Variants in ATXN1 observed in about 807,000 individuals in gnomAD.
ATXN1 encodes the protein ataxin 1.
ATXN1 carries 8 observed loss-of-function variants against 56.4 expected under a neutral mutation model. The ratio of observed to expected loss-of-function variants is 0.14; its 90% CI spans 0.08 to 0.26. The LOEUF is 0.26. Ranked by LOEUF, ATXN1 falls within the 10% of genes least tolerant of loss-of-function variation. The pLI, the probability that ATXN1 is intolerant of heterozygous loss-of-function variation, is 1.00. For synonymous variants in ATXN1, 514 were observed against 494.6 expected, an observed-to-expected ratio of 1.04 and a Z score of -0.52; for missense variants, 987 against 1,106.5, an observed-to-expected ratio of 0.89 and a Z score of 1.53.
chr6:16,614,874 G>A (rs1488435867), intron 3 of ATXN1: 1 of 151,488 alleles, frequency 6.6e-6, no homozygotes, highest in South Asian at 2.1e-4. Flanking sequence ...AATGAGCCAA[G>A]ATCGTGTGCC....
At chr6:16,495,299 G>C (rs1206227151) in intron 5 of ATXN1, among the ~76,000 whole-genome samples, 2 of 152,130 alleles carry the variant, frequency 1.3e-5, no homozygotes, top group Non-Finnish European at 2.9e-5. Flanking sequence ...AATATTGAGA[G>C]TTATATGATA....
At chr6:16,663,075 C>A (rs530521043) in intron 2 of ATXN1, among the ~76,000 whole-genome samples, 3 of 149,184 alleles carry the variant, frequency 2.0e-5, no homozygotes, top group Non-Finnish European at 4.4e-5. Context: ...CGGGTTCAAG[C>A]GATTCTCCTG....
chr6:16,687,011 C>T (rs1043707889), intron 2 of ATXN1, among the ~76,000 whole-genome samples: 2 of 152,112 alleles, frequency 1.3e-5, no homozygotes, highest in African/African-American at 4.8e-5. Context: ...TTAATGGGAA[C>T]AATCAGAGTG....
At chr6:16,741,087 A>G (rs1018029274) in intron 2 of ATXN1, among the ~76,000 whole-genome samples, 2 of 152,238 alleles carry the variant, frequency 1.3e-5, no homozygotes, top group African/African-American at 4.8e-5. Context: ...TCAGGTTTAC[A>G]GCACAGGCTA....
At chr6:16,458,318 T>C (rs1329156818) in intron 6 of ATXN1, among the ~76,000 whole-genome samples, 2 of 152,174 alleles carry the variant, frequency 1.3e-5, no homozygotes, top group African/African-American at 2.4e-5. Flanking sequence ...CATGAATTAT[T>C]CAATGATGTC....
intron 6 of ATXN1, among the ~76,000 whole-genome samples, chr6:16,347,469 G>C (rs1761442195): frequency 1.3e-5 from 2 of 151,994 alleles, no homozygotes; most frequent in Non-Finnish European, 2.9e-5. Context: ...TACTCTGGTG[G>C]GGACTTGGAG....
rs1183674493 is a variant in ATXN1 at position 16,326,255 on chromosome 6, T to C, written c.1917+139A>G. The C allele has an allele frequency of 7.0e-7, 1 of 1,432,962 alleles. No individual in the cohort carries two copies. The highest frequency in any genetic ancestry group is 1.5e-5 in the South Asian group (1 of 66,826). 88.8% of individuals were successfully genotyped at this position (1,432,962 alleles called of 1,614,324 possible). The stretch of plus-strand genomic sequence containing the variant: ...GGCTTATTTTTTCTAGAGAACGCAG[T>C]TGGGAAAGGCCGAGTCTAAGGTCTA... On this transcript the variant is annotated intron_variant, in intron 7 of 7. Coordinates refer to ENST00000436367, the MANE Select transcript of ATXN1 (RefSeq NM_001128164.2). The surrounding 1 kb of genome is among the most constrained non-coding windows in gnomAD (Gnocchi z 6.6).
At chr6:16,689,634 A>G (rs1166090547) in intron 2 of ATXN1, among the ~76,000 whole-genome samples, 1 of 151,410 alleles carries the variant, frequency 6.6e-6, no homozygotes, top group South Asian at 2.1e-4. Context: ...TTAATTGACA[A>G]ATAATAATTG....
intron 2 of ATXN1, among the ~76,000 whole-genome samples, chr6:16,686,435 C>T (rs992611379): frequency 1.3e-5 from 2 of 152,148 alleles, no homozygotes; most frequent in African/African-American, 4.8e-5. Context: ...CAATATTCCA[C>T]GAGACAGCCA....
chr6:16,572,433 T>G (rs931882903), intron 4 of ATXN1, among the ~76,000 whole-genome samples: 1 of 152,140 alleles, frequency 6.6e-6, no homozygotes, highest in Non-Finnish European at 1.5e-5. Flanking sequence ...CACAGGTGAA[T>G]ACACCTACGG....
intron 3 of ATXN1, among the ~76,000 whole-genome samples, chr6:16,650,422 T>C (rs746772180): frequency 4.6e-5 from 7 of 152,196 alleles, no homozygotes; most frequent in Non-Finnish European, 1.0e-4. Flanking sequence ...CAAAGGAGTA[T>C]TAAAAAACAC....
intron 2 of ATXN1, among the ~76,000 whole-genome samples, chr6:16,752,521 A>G (rs1359151533): frequency 6.6e-6 from 1 of 152,196 alleles, no homozygotes; most frequent in African/African-American, 2.4e-5. Context: ...CAAGGCAAAT[A>G]GAAATTGATC....
chr6:16,510,205 G>A (rs572468602), intron 5 of ATXN1, among the ~76,000 whole-genome samples: 1 of 152,132 alleles, frequency 6.6e-6, no homozygotes, highest in East Asian at 1.9e-4. Context: ...GCATCACCTA[G>A]CAACTTGTTC....
rs78655546 is a variant in ATXN1 at position 16,635,713 on chromosome 6, G to A, written c.-489+22063C>T. On this transcript the variant is annotated intron_variant, in intron 3 of 7. Coordinates refer to ENST00000436367, the MANE Select transcript of ATXN1 (RefSeq NM_001128164.2). ...CAGATAAATAAATATGTCTGAATCT[G>A]CAGAGAAATAATTTCAAAAGGGCTT... Among the ~76,000 whole-genome samples, 795 of 152,310 alleles carry A rather than the reference G, an allele frequency of 5.2e-3. 12 individuals carry two copies. Among genetic ancestry groups the A allele is most frequent in the African/African-American group, 0.018 (740 of 41,574 alleles).
chr6:16,422,288 G>A (rs1047810435), intron 6 of ATXN1, among the ~76,000 whole-genome samples: 8 of 152,172 alleles, frequency 5.3e-5, no homozygotes, highest in Admixed American at 2.0e-4. Flanking sequence ...TGGGTTCACC[G>A]TGGCGCAGGT....
At chr6:16,679,343 G>T (rs1450005556) in intron 2 of ATXN1, among the ~76,000 whole-genome samples, 1 of 150,446 alleles carries the variant, frequency 6.6e-6, no homozygotes, top group Non-Finnish European at 1.5e-5. Context: ...TAGGTGGATG[G>T]GAGGATAGAT....
intron 6 of ATXN1, among the ~76,000 whole-genome samples, chr6:16,332,216 C>T (rs1380268915): frequency 6.6e-6 from 1 of 152,060 alleles, no homozygotes; most frequent in Non-Finnish European, 1.5e-5. Context: ...CTCTGGGCCC[C>T]GTAAGCTTTC....
intron 2 of ATXN1, among the ~76,000 whole-genome samples, chr6:16,751,084 T>C (rs892367288): frequency 6.6e-6 from 1 of 150,824 alleles, no homozygotes; most frequent in African/African-American, 2.4e-5. Flanking sequence ...TTCTCCTGCC[T>C]CAGTGTCCCA....
At chr6:16,641,915 A>G (rs866448031) in intron 3 of ATXN1, among the ~76,000 whole-genome samples, 9 of 152,250 alleles carry the variant, frequency 5.9e-5, no homozygotes, top group Middle Eastern at 3.4e-3. Context: ...GTTGATTCCA[A>G]CCCCCATGGA....
Sources: allele counts gnomAD v4.1 joint callset (sites outside exome capture counted in the v4.1 genomes callset), GRCh38; gene constraint gnomAD v4.1.1; non-coding constraint Gnocchi (gnomAD v3.1); transcripts MANE v1.5; gene names NCBI Gene and HGNC (gene_info 2026-07-23, HGNC 2026-07-21).